ST8SIA6: variants seen among roughly 807,000 people sequenced by gnomAD.
ST8SIA6 encodes the protein ST8 alpha-N-acetyl-neuraminide alpha-2,8-sialyltransferase 6, also known as alpha-2,8-sialyltransferase 8F.
Under a neutral mutation model 33.6 loss-of-function variants are expected in ST8SIA6, and 39 were observed. The observed-to-expected ratio is 1.16, with a 90% CI of 0.90 to 1.52. The LOEUF (loss-of-function observed/expected upper bound fraction) is 1.52, where lower values mean the gene tolerates loss of function less well. Among genes scored for constraint, ST8SIA6 ranks in the 40% most tolerant of loss-of-function variants. The pLI is 0.00. For synonymous variants in ST8SIA6, 172 were observed against 167.2 expected (o/e 1.03, Z -0.22); for missense variants, 441 against 443.8 (o/e 0.99, Z 0.06).
At chr10:17,388,814 C>T (rs1325003507) in intron 3 of ST8SIA6, among the ~76,000 whole-genome samples, 5 of 152,148 alleles carry the variant, frequency 3.3e-5, no homozygotes, top group Admixed American at 3.3e-4. Context: ...GATAATAGCG[C>T]TTTCCTGAAA....
intron 3 of ST8SIA6, among the ~76,000 whole-genome samples, chr10:17,387,559 GC>G (rs1262903943): frequency 1.3e-5 from 2 of 151,750 alleles, no homozygotes; most frequent in Admixed American, 1.3e-4. Flanking sequence ...GAGCCACCGC[GC>G]CGGGCCCAGA....
intron 3 of ST8SIA6, among the ~76,000 whole-genome samples, chr10:17,367,177 A>G (rs1849582972): frequency 6.6e-6 from 1 of 152,188 alleles, no homozygotes. Context: ...GCTATGAAGA[A>G]ATACCCAAGA....
At position 17,422,681 on chromosome 10, in the gene ST8SIA6, T is replaced by C. The variant is rs2131709504; in HGVS notation, c.200+30878A>G. Among the ~76,000 whole-genome samples, 2 of 152,350 alleles carry C rather than the reference T, an allele frequency of 1.3e-5. 1 individual carries two copies. The highest frequency in any genetic ancestry group is 3.9e-4 in the East Asian group (2 of 5,188). ...ACGGACTGTAAAAAAACTATTTTAC[T>C]GACTCTGAGGGGCAACAATTTGTCT... On this transcript the variant is annotated intron_variant, in intron 2 of 7. Transcript: ENST00000377602.
chr10:17,396,526 T>C (rs966752686), intron 2 of ST8SIA6, among the ~76,000 whole-genome samples: 5 of 152,278 alleles, frequency 3.3e-5, no homozygotes, highest in East Asian at 1.9e-4. Flanking sequence ...TGGGTGAGCA[T>C]TGGCCTGTAA....
chr10:17,397,240 T>TTTG, intron 2 of ST8SIA6, among the ~76,000 whole-genome samples: 1 of 146,842 alleles, frequency 6.8e-6, no homozygotes, highest in South Asian at 2.2e-4. Context: ...TTTGTTTTTT[T>TTTG]TTTTTTTTTT....
At chr10:17,446,499 GA>G (rs1190509199) in intron 2 of ST8SIA6, among the ~76,000 whole-genome samples, 1 of 152,106 alleles carries the variant, frequency 6.6e-6, no homozygotes, top group East Asian at 1.9e-4. Context: ...TAATTGTAAA[GA>G]ATAAAAATGT....
intron 3 of ST8SIA6, among the ~76,000 whole-genome samples, chr10:17,379,800 C>G (rs1198721684): frequency 6.6e-6 from 1 of 152,194 alleles, no homozygotes; most frequent in African/African-American, 2.4e-5. Context: ...TGTCCTGAGG[C>G]TGAGTAACAG....
chr10:17,409,622 A>C (rs1319019175), intron 2 of ST8SIA6: 1 of 152,292 alleles, frequency 6.6e-6, no homozygotes, highest in Non-Finnish European at 1.5e-5. Flanking sequence ...CTGTGGTTGT[A>C]CCAGTGCACT....
intron 2 of ST8SIA6, among the ~76,000 whole-genome samples, chr10:17,449,770 A>G (rs535289567): frequency 5.9e-5 from 9 of 152,302 alleles, no homozygotes; most frequent in South Asian, 2.1e-4. Context: ...GAAGCCTGCA[A>G]ATTTCTGGAA....
At chr10:17,430,591 A>G (rs1039998879) in intron 2 of ST8SIA6, among the ~76,000 whole-genome samples, 1 of 152,118 alleles carries the variant, frequency 6.6e-6, no homozygotes, top group Non-Finnish European at 1.5e-5. Flanking sequence ...TTGCCAGAGT[A>G]AGGTGGTATC....
chr10:17,398,330 G>GAAA (rs772366475), intron 2 of ST8SIA6, among the ~76,000 whole-genome samples: 18 of 139,948 alleles, frequency 1.3e-4, no homozygotes, highest in African/African-American at 4.4e-4. Flanking sequence ...CCATCTTAAG[G>GAAA]AAAAAAAAAA....
intron 2 of ST8SIA6, among the ~76,000 whole-genome samples, chr10:17,451,582 A>C (rs1852912564): frequency 6.6e-6 from 1 of 152,224 alleles, no homozygotes; most frequent in Non-Finnish European, 1.5e-5. Flanking sequence ...AAAAATTTTT[A>C]AATTAAAAAT....
At chr10:17,451,739 C>T (rs1852918498) in intron 2 of ST8SIA6, among the ~76,000 whole-genome samples, 1 of 152,264 alleles carries the variant, frequency 6.6e-6, no homozygotes, top group African/African-American at 2.4e-5. Context: ...TTTCTCTATA[C>T]AACCAAGTAG....
chr10:17,363,259 C>A (rs1286780395), intron 3 of ST8SIA6, among the ~76,000 whole-genome samples: 1 of 151,480 alleles, frequency 6.6e-6, no homozygotes, highest in Non-Finnish European at 1.5e-5. Context: ...TAATCCAATT[C>A]AGCTAGTTTC....
intron 3 of ST8SIA6, among the ~76,000 whole-genome samples, chr10:17,388,343 T>G (rs17140969): frequency 6.6e-6 from 1 of 152,056 alleles, no homozygotes; most frequent in Non-Finnish European, 1.5e-5. Flanking sequence ...TAAGCAAATA[T>G]CGTTAGTCTA....
At chr10:17,394,323 A>G (rs1850724493) in intron 2 of ST8SIA6, among the ~76,000 whole-genome samples, 1 of 150,830 alleles carries the variant, frequency 6.6e-6, no homozygotes, top group African/African-American at 2.4e-5. Flanking sequence ...CCACTCTCTG[A>G]CTTTAGCTCT....
At chr10:17,394,906 C>G (rs77356020) in intron 2 of ST8SIA6, among the ~76,000 whole-genome samples, 4,966 of 152,236 alleles carry the variant, frequency 0.033, 86 homozygotes, top group South Asian at 0.055. Flanking sequence ...GGAACAACAT[C>G]GTGGCACAAG....
intron 2 of ST8SIA6, chr10:17,409,294 A>G (rs553828391): frequency 7.1e-4 from 108 of 152,672 alleles, no homozygotes; most frequent in Non-Finnish European, 9.3e-4. Context: ...CAACTTTTAC[A>G]TATTCATGTT....
At chr10:17,348,629 C>A (rs1848927273) in intron 4 of ST8SIA6, among the ~76,000 whole-genome samples, 1 of 152,156 alleles carries the variant, frequency 6.6e-6, no homozygotes, top group African/African-American at 2.4e-5. Flanking sequence ...CTAACTGCTC[C>A]CAGAAAGCCA....
Sources: gnomAD v4.1 joint callset for allele counts (sites outside exome capture counted in the v4.1 genomes callset) on GRCh38, gnomAD v4.1.1 for gene constraint, MANE v1.5 for transcripts, NCBI Gene and HGNC (gene_info 2026-07-23, HGNC 2026-07-21) for gene names.